The following CTNNA2 variants were observed in gnomAD, a reference collection of about 807,000 sequenced individuals.
CTNNA2 encodes catenin alpha-2.
A neutral mutation model predicts 101.0 loss-of-function variants in CTNNA2; 42 were observed. That is an observed-to-expected ratio of 0.42 (90% CI 0.32 to 0.54). CTNNA2 has a LOEUF of 0.54. Among genes scored for constraint, CTNNA2 ranks in the 20% least tolerant of loss-of-function variants. The probability of loss-of-function intolerance (pLI) is 0.14; values close to 1 mark genes in which losing one functional copy is unlikely to be tolerated. For synonymous variants in CTNNA2, 450 were observed against 456.4 expected, an observed-to-expected ratio of 0.99 and a Z score of 0.18; for missense variants, 871 against 1,223.1, an observed-to-expected ratio of 0.71 and a Z score of 4.29.
intron 7 of CTNNA2, among the ~76,000 whole-genome samples, chr2:80,392,805 T>C (rs1280454304): frequency 2.0e-5 from 3 of 152,240 alleles, no homozygotes; most frequent in East Asian, 3.8e-4. Flanking sequence ...ACTTAAAATC[T>C]TTTTCGATTT....
Position 80,602,123 on chromosome 2 carries a change from T to C in CTNNA2, c.2190-1951T>C, listed in dbSNP as rs567148430. On this transcript the variant is annotated intron_variant, in intron 15 of 18. Coordinates refer to ENST00000402739, the MANE Select transcript of CTNNA2 (RefSeq NM_001282597.3). The stretch of plus-strand genomic sequence containing the variant: ...TTTTGGTCTCTAATTTTATGAAATA[T>C]ACCCTCATACCCATGTTGCGACTCC... 8 of 152,202 alleles carry C rather than the reference T, an allele frequency of 5.3e-5. No individual in the cohort carries two copies. The East Asian group carries it at 1.4e-3, about 26-fold the overall frequency. The allele number at this position is 152,202 out of a possible 1,614,324, so 9.4% of individuals were successfully genotyped here. A position where few individuals can be genotyped will look rare whatever the true frequency, so the allele number is the denominator to read the frequency against.
chr2:79,825,198 G>A (rs1185125767), intron 3 of CTNNA2, among the ~76,000 whole-genome samples: 1 of 152,120 alleles, frequency 6.6e-6, no homozygotes, highest in African/African-American at 2.4e-5. Flanking sequence ...CCATAGGATT[G>A]TTGTTGATGG....
chr2:79,343,323 T>C (rs1036568119), intron 3 of CTNNA2, among the ~76,000 whole-genome samples: 1 of 152,136 alleles, frequency 6.6e-6, no homozygotes, highest in African/African-American at 2.4e-5. Flanking sequence ...ATCCCACAAA[T>C]AGAATATGTG....
At chr2:79,890,202 A>G (rs1332923164) in intron 6 of CTNNA2, among the ~76,000 whole-genome samples, 1 of 152,228 alleles carries the variant, frequency 6.6e-6, no homozygotes, top group Non-Finnish European at 1.5e-5. Context: ...AGCGAATGGC[A>G]GAAAGCGGGT....
At chr2:80,353,378 A>G (rs1000244636) in intron 7 of CTNNA2, among the ~76,000 whole-genome samples, 4 of 152,146 alleles carry the variant, frequency 2.6e-5, no homozygotes, top group Admixed American at 6.6e-5. Context: ...AAGTATGATG[A>G]AATTGTCTTC....
chr2:80,519,509 A>G (rs1459827212), intron 9 of CTNNA2, among the ~76,000 whole-genome samples: 1 of 152,210 alleles, frequency 6.6e-6, no homozygotes, highest in Non-Finnish European at 1.5e-5. Context: ...GTCACTTAAA[A>G]ATGCTTCCAT....
At chr2:80,349,484 T>A (rs1221253644) in intron 7 of CTNNA2, among the ~76,000 whole-genome samples, 1 of 152,152 alleles carries the variant, frequency 6.6e-6, no homozygotes, top group Non-Finnish European at 1.5e-5. Context: ...GGCCCCAGGT[T>A]CTGATTACCA....
intron 9 of CTNNA2, among the ~76,000 whole-genome samples, 187 bp downstream of exon 9, chr2:80,419,788 C>G (rs1680359475): frequency 6.6e-6 from 1 of 151,954 alleles, no homozygotes; most frequent in Admixed American, 6.6e-5. Context: ...AATCATCTTT[C>G]TTTTATCTGT....
chr2:80,624,841 A>T (rs1671520277), intron 18 of CTNNA2, among the ~76,000 whole-genome samples: 1 of 151,914 alleles, frequency 6.6e-6, no homozygotes, highest in African/African-American at 2.4e-5. Flanking sequence ...CGACCTAAGG[A>T]TATATGTATC....
At position 80,113,199 on chromosome 2, in the gene CTNNA2, TTTTGGGTTATACATATAA is replaced by T. The variant is rs371514588; in HGVS notation, c.1056+203407_1056+203424del. The stretch of plus-strand genomic sequence containing the variant: ...TAAGTGAAAATCTGGAGATGTAGGC[TTTTGGGTTATACATATAA>T]TTTGATACTGTGAAACATTCAGTGG... On this transcript the variant is annotated intron_variant, in intron 7 of 18. Transcript: ENST00000402739. 3.4e-3 allele frequency among the ~76,000 whole-genome samples: 522 copies of T among 152,316 alleles called. 2 individuals carry two copies. The highest frequency in any genetic ancestry group is 0.011 in the African/African-American group (470 of 41,566).
chr2:80,484,052 T>C (rs1314170079), intron 9 of CTNNA2, among the ~76,000 whole-genome samples: 1 of 151,986 alleles, frequency 6.6e-6, no homozygotes, highest in Non-Finnish European at 1.5e-5. Flanking sequence ...ATAAAAAGAG[T>C]CATTGAAGAA....
rs563072864 is a variant in CTNNA2 at position 79,302,956 on chromosome 2, A to G, written c.-405-9753A>G. 5.5e-4 allele frequency among the ~76,000 whole-genome samples: 84 copies of G among 152,336 alleles called. 1 individual carries two copies. Among genetic ancestry groups the G allele is most frequent in the African/African-American group, 1.9e-3 (80 of 41,566 alleles). ...TCAGATAAGAATAAAACATAAAGAG[A>G]AGTTAACCAACTTGACCACAAAAAC... On this transcript the variant is annotated intron_variant, in intron 2 of 21. Coordinates refer to the CTNNA2 transcript ENST00000466387.
chr2:80,128,751 A>G (rs913858020), intron 7 of CTNNA2, among the ~76,000 whole-genome samples: 2 of 152,110 alleles, frequency 1.3e-5, no homozygotes, highest in African/African-American at 2.4e-5. Context: ...TATCTGTTCC[A>G]TCTATATGAC....
chr2:80,301,497 G>C (rs1325918736), intron 7 of CTNNA2, among the ~76,000 whole-genome samples: 3 of 152,158 alleles, frequency 2.0e-5, no homozygotes, highest in Non-Finnish European at 4.4e-5. Flanking sequence ...GTGTTCCTAG[G>C]AGAAACTGTC....
chr2:80,601,197 T>G (rs1204187288), intron 15 of CTNNA2, among the ~76,000 whole-genome samples: 1 of 152,096 alleles, frequency 6.6e-6, no homozygotes, highest in African/African-American at 2.4e-5. Context: ...CTTTGGGTTT[T>G]TTCTTCTTTT....
rs200424099 is a variant in CTNNA2 at position 79,826,355 on chromosome 2, G to C, written c.299-31658G>C. ...AATTATCAGGATGCAAAAAGAGAAA[G>C]GATGTACTGGGTCAAAGACAAGTTA... On this transcript the variant is annotated intron_variant, in intron 3 of 18. Transcript: ENST00000402739. Among the ~76,000 whole-genome samples the C allele has an allele frequency of 6.6e-5, 10 of 152,220 alleles. No individual in the cohort carries two copies. In the East Asian group the frequency reaches 1.5e-3, roughly 23 times the overall value.
At chr2:79,763,099 G>A (rs528657503) in intron 3 of CTNNA2, among the ~76,000 whole-genome samples, 2 of 152,236 alleles carry the variant, frequency 1.3e-5, no homozygotes, top group African/African-American at 4.8e-5. Flanking sequence ...TTTCGTGATT[G>A]ACAATGGGAG....
chr2:80,145,688 C>T (rs1703288677), intron 7 of CTNNA2, among the ~76,000 whole-genome samples: 1 of 152,172 alleles, frequency 6.6e-6, no homozygotes, highest in African/African-American at 2.4e-5. Flanking sequence ...GCCCTGGGAG[C>T]GTTTTCCTAG....
chr2:80,323,168 G>C (rs1393051224), intron 7 of CTNNA2, among the ~76,000 whole-genome samples: 1 of 152,140 alleles, frequency 6.6e-6, no homozygotes, highest in African/African-American at 2.4e-5. Context: ...GTGTAGCTCA[G>C]TGGGGTTCCC....
Sources: gnomAD v4.1 joint callset for allele counts (sites outside exome capture counted in the v4.1 genomes callset) on GRCh38, gnomAD v4.1.1 for gene constraint, MANE v1.5 for transcripts, NCBI Gene and HGNC (gene_info 2026-07-23, HGNC 2026-07-21) for gene names.